CASTOR2: variants seen among roughly 807,000 people sequenced by gnomAD.
The protein encoded by CASTOR2 is cytosolic arginine sensor for mTORC1 subunit 2, also known as GATS protein like 2.
CASTOR2 carries 8 observed loss-of-function variants against 31.2 expected under a neutral mutation model. The observed-to-expected ratio is 0.26, with a 90% CI of 0.15 to 0.46. The LOEUF (loss-of-function observed/expected upper bound fraction) is 0.46. Ranked by LOEUF, CASTOR2 falls within the 20% of genes least tolerant of loss-of-function variation. The pLI is 0.99. For missense variants in CASTOR2, 216 were observed against 382.1 expected, an observed-to-expected ratio of 0.57 and a Z score of 3.62; for synonymous variants, 162 against 158.7, an observed-to-expected ratio of 1.02 and a Z score of -0.16.
chr7:74,994,022 C>G (rs1196310971), intron 1 of CASTOR2, among the ~76,000 whole-genome samples: 5 of 152,200 alleles, frequency 3.3e-5, no homozygotes, highest in African/African-American at 7.2e-5. Flanking sequence ...GGGAGAGGCC[C>G]CGTGTGAGGG....
chr7:74,995,006 A>G (rs1268825654), intron 1 of CASTOR2, among the ~76,000 whole-genome samples: 5 of 152,120 alleles, frequency 3.3e-5, no homozygotes, highest in Admixed American at 3.3e-4. Context: ...TGCAGATTCC[A>G]GGGAGGCCTT....
intron 1 of CASTOR2, among the ~76,000 whole-genome samples, chr7:74,990,958 T>C (rs1804195544): frequency 6.6e-6 from 1 of 151,472 alleles, no homozygotes; most frequent in South Asian, 2.1e-4. Flanking sequence ...GGCATGCACC[T>C]GTAGTCCCAG....
chr7:74,982,669 C>G (rs1183602566), intron 1 of CASTOR2, among the ~76,000 whole-genome samples: 1 of 84,842 alleles, frequency 1.2e-5, no homozygotes, highest in East Asian at 3.8e-4. Flanking sequence ...AACCCTGTCT[C>G]TACTAAAAAT....
rs1478867301 is a variant in CASTOR2 at position 75,010,903 on chromosome 7, A to G, written c.184+2839A>G. Among the ~76,000 whole-genome samples, 8 of 151,314 alleles carry G rather than the reference A, an allele frequency of 5.3e-5. No homozygotes were observed. In the South Asian group the frequency reaches 6.3e-4, roughly 12 times the overall value. The stretch of plus-strand genomic sequence containing the variant: ...AGTCTCACTCTGTCACCCAGGCTGG[A>G]GTGCAGTGGCGTGATCTTGGCTCAC... On this transcript the variant is annotated intron_variant, in intron 2 of 8. Coordinates refer to ENST00000616305, the MANE Select transcript of CASTOR2 (RefSeq NM_001145064.3).
Position 74,990,382 on chromosome 7 carries a change from C to CAA in CASTOR2, c.114-17601_114-17600dup, listed in dbSNP as rs1229476692. On this transcript the variant is annotated intron_variant, in intron 1 of 8. Transcript: ENST00000616305. ...CAGCCTGGATGGCGAGACTCTATCT[C>CAA]AAAAAAAAAAAACAAAAACAAAAAA... Among the ~76,000 whole-genome samples the CAA allele has an allele frequency of 5.9e-3, 830 of 140,156 alleles. 5 individuals carry two copies. Among genetic ancestry groups the CAA allele is most frequent in the Middle Eastern group, 0.028 (8 of 284 alleles). 91.9% of individuals were successfully genotyped at this position (140,156 alleles called of 152,430 possible).
intron 1 of CASTOR2, among the ~76,000 whole-genome samples, chr7:74,991,230 C>T (rs1167239324): frequency 2.0e-5 from 3 of 152,164 alleles, no homozygotes; most frequent in Non-Finnish European, 4.4e-5. Context: ...TGGCCTTTAT[C>T]ACATTCTCCA....
chr7:75,005,097 C>T (rs1229593726), intron 1 of CASTOR2, among the ~76,000 whole-genome samples: 1 of 151,968 alleles, frequency 6.6e-6, no homozygotes, highest in Non-Finnish European at 1.5e-5. Context: ...GAACTCCTGA[C>T]CTCAGGTGAT....
In CASTOR2 at chr7:75,021,819, G is replaced by A. The variant is rs1159350859; in HGVS notation, c.747-55G>A. 4 of 1,543,402 alleles carry A rather than the reference G, an allele frequency of 2.6e-6. No individual in the cohort carries two copies. In the African/African-American group the frequency reaches 5.5e-5, roughly 21 times the overall value. On this transcript the variant is annotated intron_variant, in intron 6 of 8. Transcript: ENST00000616305. ...TCTGGCTGGTGCACCAGCACACCAAGGAGGGAGTGCAATTCACATCAGCCT... is the reference window on the plus strand; with the variant it reads ...TCTGGCTGGTGCACCAGCACACCAAAGAGGGAGTGCAATTCACATCAGCCT...
chr7:75,010,568 AC>A (rs1432926954), intron 2 of CASTOR2, among the ~76,000 whole-genome samples: 2 of 151,656 alleles, frequency 1.3e-5, no homozygotes, highest in Non-Finnish European at 2.9e-5. Flanking sequence ...CAATCCCTCG[AC>A]CCTGCCATTC....
At position 75,029,418 on chromosome 7, in the gene CASTOR2, G is replaced by A. The variant is rs1227395373; in HGVS notation, c.*4719G>A. The stretch of plus-strand genomic sequence containing the variant: ...GAGTGCAGTGGTGCGATCTCGGTTC[G>A]CTGCAACCTCTGCTTCCCAGGTTCA... On this transcript the variant is annotated 3_prime_UTR_variant, in exon 9 of 9. Transcript: ENST00000616305. 2.0e-5 allele frequency among the ~76,000 whole-genome samples: 3 copies of A among 147,052 alleles called. No individual in the cohort carries two copies. Among genetic ancestry groups the A allele is most frequent in the African/African-American group, 5.1e-5 (2 of 39,576 alleles).
At chr7:74,977,293 C>T (rs1238167965) in intron 1 of CASTOR2, among the ~76,000 whole-genome samples, 5 of 151,372 alleles carry the variant, frequency 3.3e-5, no homozygotes, top group African/African-American at 1.2e-4. Flanking sequence ...TATGAAAAAC[C>T]AGCCCAGTTG....
chr7:75,023,597 G>A (rs1247520189), intron 7 of CASTOR2, among the ~76,000 whole-genome samples: 2 of 150,928 alleles, frequency 1.3e-5, no homozygotes, highest in South Asian at 2.1e-4. Context: ...GTGCCACCAC[G>A]CCCGGCTAAT....
chr7:74,986,514 AG>A (rs1804070523), intron 1 of CASTOR2, among the ~76,000 whole-genome samples: 1 of 151,608 alleles, frequency 6.6e-6, no homozygotes, highest in African/African-American at 2.4e-5. Context: ...AGAAAAGAAA[AG>A]AAAAAAAAAG....
At chr7:74,991,143 G>A (rs1212542036) in intron 1 of CASTOR2, among the ~76,000 whole-genome samples, 1 of 152,084 alleles carries the variant, frequency 6.6e-6, no homozygotes, top group Non-Finnish European at 1.5e-5. Context: ...CTATAGTTGG[G>A]CGAGCTGGAA....
At chr7:74,978,008 A>G (rs1301089910) in intron 1 of CASTOR2, among the ~76,000 whole-genome samples, 4 of 150,058 alleles carry the variant, frequency 2.7e-5, no homozygotes, top group Non-Finnish European at 5.9e-5. Flanking sequence ...TAGGTGCCAT[A>G]TTCTCAGGCT....
At chr7:74,975,911 C>A (rs1554435667) in intron 1 of CASTOR2, among the ~76,000 whole-genome samples, 1 of 147,088 alleles carries the variant, frequency 6.8e-6, no homozygotes, top group Admixed American at 6.9e-5. Flanking sequence ...CCCAAGCAGC[C>A]CCATGGAGAG....
At chr7:75,014,127 T>A (rs1238243501) in intron 2 of CASTOR2, among the ~76,000 whole-genome samples, 4 of 152,136 alleles carry the variant, frequency 2.6e-5, no homozygotes, top group African/African-American at 9.7e-5. Context: ...AAGCTTAGAC[T>A]TGCAGTTAGA....
intron 2 of CASTOR2, among the ~76,000 whole-genome samples, chr7:75,015,726 CTTCCAG>C (rs1584475806): frequency 0.031 from 4,690 of 152,204 alleles, 83 homozygotes; most frequent in East Asian, 0.049. Context: ...ATCACTGAGC[CTTCCAG>C]GTCCAGGGTT....
At chr7:75,016,018 A>G (rs1482510250) in intron 2 of CASTOR2, among the ~76,000 whole-genome samples, 1 of 152,064 alleles carries the variant, frequency 6.6e-6, no homozygotes, top group African/African-American at 2.4e-5. Flanking sequence ...GTGAGCCAAG[A>G]TCATGCCAAT....
Sources: allele counts gnomAD v4.1 joint callset (sites outside exome capture counted in the v4.1 genomes callset), GRCh38; gene constraint gnomAD v4.1.1; transcripts MANE v1.5; gene names NCBI Gene and HGNC (gene_info 2026-07-23, HGNC 2026-07-21).